The following MAPK8 variants were observed in gnomAD, a reference collection of about 807,000 sequenced individuals.
MAPK8 encodes JUN N-terminal kinase.
MAPK8 carries 13 observed loss-of-function variants against 52.9 expected under a neutral mutation model. That is an observed-to-expected ratio of 0.25 (90% CI 0.16 to 0.39). The LOEUF (loss-of-function observed/expected upper bound fraction) is 0.39, where lower values mean the gene tolerates loss of function less well. Among genes scored for constraint, MAPK8 ranks in the 10% least tolerant of loss-of-function variants. The pLI, the probability that MAPK8 is intolerant of heterozygous loss-of-function variation, is 1.00. For missense variants in MAPK8, 300 were observed against 519.2 expected (o/e 0.58, Z 4.10); for synonymous variants, 191 against 169.8 (o/e 1.12, Z -0.97).
chr10:48,356,400 TC>T (rs2132484104), intron 1 of MAPK8, among the ~76,000 whole-genome samples: 1 of 151,574 alleles, frequency 6.6e-6, no homozygotes, highest in Admixed American at 6.6e-5. Flanking sequence ...AAATATGAAA[TC>T]CAAAAGGAGA....
chr10:48,433,079 G>T (rs2044477490), intron 11 of MAPK8, among the ~76,000 whole-genome samples: 1 of 152,150 alleles, frequency 6.6e-6, no homozygotes. Flanking sequence ...TACCTGCCTT[G>T]AGTGTATAGA....
At chr10:48,356,561 G>T (rs1564524397) in intron 1 of MAPK8, among the ~76,000 whole-genome samples, 1 of 152,040 alleles carries the variant, frequency 6.6e-6, no homozygotes, top group Non-Finnish European at 1.5e-5. Context: ...CAACTATGTG[G>T]CCTGGCATGA....
intron 1 of MAPK8, among the ~76,000 whole-genome samples, chr10:48,385,076 T>TTGTC (rs1211377077): frequency 6.6e-6 from 1 of 152,212 alleles, no homozygotes; most frequent in Non-Finnish European, 1.5e-5. Flanking sequence ...TGGTTATTTA[T>TTGTC]TGTCTATACA....
intron 1 of MAPK8, among the ~76,000 whole-genome samples, chr10:48,394,926 TTAAAA>T (rs1357683199): frequency 6.6e-6 from 1 of 151,816 alleles, no homozygotes; most frequent in African/African-American, 2.4e-5. Flanking sequence ...TACAAACAAA[TTAAAA>T]TAAAAATATT....
chr10:48,331,569 C>A (rs1844154403), intron 1 of MAPK8, among the ~76,000 whole-genome samples: 1 of 152,184 alleles, frequency 6.6e-6, no homozygotes, highest in Admixed American at 6.5e-5. Flanking sequence ...GTTTGCACAG[C>A]TATCTTAGTG....
chr10:48,342,117 T>A (rs867050677), intron 1 of MAPK8, among the ~76,000 whole-genome samples: 7 of 152,224 alleles, frequency 4.6e-5, no homozygotes, highest in Admixed American at 1.3e-4. Context: ...ATTCATTCAT[T>A]TATTTATTGA....
chr10:48,341,903 A>G (rs1845311087), intron 1 of MAPK8, among the ~76,000 whole-genome samples: 1 of 152,226 alleles, frequency 6.6e-6, no homozygotes, highest in Non-Finnish European at 1.5e-5. Flanking sequence ...TGAGTAGAAC[A>G]TTTGCACAGC....
intron 10 of MAPK8, 145 bp from the exon 11 acceptor site, chr10:48,431,048 T>A (rs1326118576): frequency 3.0e-6 from 2 of 661,028 alleles, no homozygotes; most frequent in Admixed American, 5.7e-5. Flanking sequence ...TCCTTGAATC[T>A]TAGGCCGACA....
Position 48,434,970 on chromosome 10 carries a change from G to A in MAPK8, c.1225G>A (p.Ala409Thr). The A allele has an allele frequency of 6.5e-7, 1 of 1,546,974 alleles. No homozygotes were observed. The highest frequency in any genetic ancestry group is 1.1e-5 in the South Asian group (1 of 90,084). Residue 409 changes from alanine to threonine, a missense_variant, in exon 12 of 12, where the codon GCC (alanine) becomes ACC (threonine). By Grantham distance (58) the Ala-to-Thr change is moderately conservative (BLOSUM62 0). This residue lies in a region of MAPK8 where 119 missense variants were observed against 154.4 expected (regional missense o/e 0.77). Coordinates refer to ENST00000374189, the MANE Select transcript of MAPK8 (RefSeq NM_001323329.2). Reference protein sequence around the residue: ...VSSMSTDPTLASDTDSSLEAA... With the variant: ...VSSMSTDPTLTSDTDSSLEAA... ...TTCAATGTCAACAGATCCGACTTTG[G>A]CCTCTGATACAGACAGCAGTCTAGA...
chr10:48,391,146 G>T (rs988587519), intron 1 of MAPK8, among the ~76,000 whole-genome samples: 2 of 152,206 alleles, frequency 1.3e-5, no homozygotes, highest in Non-Finnish European at 2.9e-5. Flanking sequence ...TAGTTTAGCT[G>T]TGTTGACATG....
chr10:48,310,946 A>G (rs561168082), intron 1 of MAPK8, among the ~76,000 whole-genome samples: 12 of 152,298 alleles, frequency 7.9e-5, no homozygotes, highest in Non-Finnish European at 1.5e-4. Context: ...AAGGAACTCA[A>G]ACCTTACAAT....
At chr10:48,318,544 G>A (rs1324635997) in intron 1 of MAPK8, among the ~76,000 whole-genome samples, 1 of 152,194 alleles carries the variant, frequency 6.6e-6, no homozygotes, top group Non-Finnish European at 1.5e-5. Flanking sequence ...GAATGCCATG[G>A]TCAGAGTGGA....
intron 1 of MAPK8, among the ~76,000 whole-genome samples, chr10:48,349,335 C>T (rs533743722): frequency 6.6e-6 from 1 of 152,266 alleles, no homozygotes; most frequent in East Asian, 1.9e-4. Flanking sequence ...TTCTCAGCAC[C>T]ACATCACACT....
chr10:48,383,976 G>C (rs908355584), intron 1 of MAPK8, among the ~76,000 whole-genome samples: 2 of 152,002 alleles, frequency 1.3e-5, no homozygotes, highest in African/African-American at 4.8e-5. Flanking sequence ...AGATGGCCTG[G>C]CCCAGTGCCG....
intron 1 of MAPK8, among the ~76,000 whole-genome samples, chr10:48,327,834 T>C (rs1002049359): frequency 6.6e-6 from 1 of 152,230 alleles, no homozygotes; most frequent in Non-Finnish European, 1.5e-5. Flanking sequence ...TTATCTGTTT[T>C]TCTTTGTGAG....
chr10:48,330,610 C>G (rs1379003108), intron 1 of MAPK8, among the ~76,000 whole-genome samples: 1 of 152,184 alleles, frequency 6.6e-6, no homozygotes, highest in Non-Finnish European at 1.5e-5. Context: ...GTGAGACTTT[C>G]AATGGCAGTC....
At chr10:48,383,494 A>G (rs17770615) in intron 1 of MAPK8, among the ~76,000 whole-genome samples, 14,681 of 152,280 alleles carry the variant, frequency 0.096, 736 homozygotes, top group Non-Finnish European at 0.11. Flanking sequence ...TAAAGATATT[A>G]ACCAAAGAAA....
chr10:48,314,028 C>T (rs1215358471), intron 1 of MAPK8, among the ~76,000 whole-genome samples: 1 of 152,102 alleles, frequency 6.6e-6, no homozygotes, highest in African/African-American at 2.4e-5. Flanking sequence ...AAATGGCATG[C>T]TTTTTTAACA....
At chr10:48,426,215 G>GTTTTTT in intron 8 of MAPK8, 145 bp downstream of exon 8, 1 of 829,810 alleles carries the variant, frequency 1.2e-6, no homozygotes, top group Non-Finnish European at 1.7e-6. Flanking sequence ...TGAGGTTTTT[G>GTTTTTT]TTTTTTTTTT....
Sources: gnomAD v4.1 joint callset for allele counts (sites outside exome capture counted in the v4.1 genomes callset) on GRCh38, gnomAD v4.1.1 for gene constraint, gnomAD v4.1.1 regional missense constraint, MANE v1.5 for transcripts, NCBI Gene and HGNC (gene_info 2026-07-23, HGNC 2026-07-21) for gene names.